The following CRPPA variants were observed in gnomAD, a reference collection of about 807,000 sequenced individuals.
CRPPA encodes the protein D-ribitol-5-phosphate cytidylyltransferase.
A neutral mutation model predicts 52.0 loss-of-function variants in CRPPA; 43 were observed. That is an observed-to-expected ratio of 0.83 (90% CI 0.65 to 1.07). The LOEUF (loss-of-function observed/expected upper bound fraction) is 1.07, where lower values mean the gene tolerates loss of function less well. Ranked by LOEUF, CRPPA falls within the 50% of genes least tolerant of loss-of-function variation. CRPPA has a pLI of 0.00. For synonymous variants in CRPPA, 250 were observed against 203.5 expected, an observed-to-expected ratio of 1.23 and a Z score of -1.94; for missense variants, 629 against 551.7, an observed-to-expected ratio of 1.14 and a Z score of -1.40.
intron 3 of CRPPA, among the ~76,000 whole-genome samples, chr7:16,331,426 C>A (rs1262412202): frequency 6.6e-6 from 1 of 152,082 alleles, no homozygotes; most frequent in Non-Finnish European, 1.5e-5. Flanking sequence ...TCCTTCTACC[C>A]AATACACTAT....
At chr7:16,205,277 CTT>C (rs1781949289) in intron 9 of CRPPA, among the ~76,000 whole-genome samples, 1 of 152,124 alleles carries the variant, frequency 6.6e-6, no homozygotes, top group African/African-American at 2.4e-5. Context: ...ATTTACATGA[CTT>C]GAGAAAGTTA....
intron 9 of CRPPA, among the ~76,000 whole-genome samples, chr7:16,178,134 C>T (rs886307235): frequency 5.3e-5 from 8 of 151,552 alleles, no homozygotes; most frequent in East Asian, 1.9e-4. Context: ...AAGGCAACTA[C>T]GTGGTCTTTT....
At chr7:16,248,555 A>G (rs1188303828) in intron 8 of CRPPA, among the ~76,000 whole-genome samples, 3 of 152,186 alleles carry the variant, frequency 2.0e-5, no homozygotes, top group Non-Finnish European at 4.4e-5. Context: ...GAGTACTCCA[A>G]TGGAAGTACC....
chr7:16,177,109 A>G (rs1174096847), intron 9 of CRPPA, among the ~76,000 whole-genome samples: 2 of 152,150 alleles, frequency 1.3e-5, no homozygotes, highest in African/African-American at 4.8e-5. Flanking sequence ...CCAAAACTAT[A>G]ATGACAGAAG....
At chr7:16,172,190 C>A (rs1310368612) in intron 9 of CRPPA, among the ~76,000 whole-genome samples, 1 of 152,126 alleles carries the variant, frequency 6.6e-6, no homozygotes, top group African/African-American at 2.4e-5. Context: ...AGAGACACTG[C>A]AGAGTTTCCC....
At chr7:16,399,357 G>A (rs1380404906) in intron 2 of CRPPA, among the ~76,000 whole-genome samples, 1 of 152,046 alleles carries the variant, frequency 6.6e-6, no homozygotes, top group Non-Finnish European at 1.5e-5. Flanking sequence ...TGACTGACAT[G>A]ATTGACGTGA....
chr7:16,120,303 C>T (rs1782456764), intron 9 of CRPPA, among the ~76,000 whole-genome samples: 1 of 152,272 alleles, frequency 6.6e-6, no homozygotes, highest in Admixed American at 6.5e-5. Flanking sequence ...ACCTCAATAT[C>T]TGATCAAATT....
chr7:16,403,192 T>C (rs1390605747), intron 2 of CRPPA, among the ~76,000 whole-genome samples: 1 of 152,158 alleles, frequency 6.6e-6, no homozygotes, highest in Non-Finnish European at 1.5e-5. Flanking sequence ...ACTATCATCA[T>C]TAAAGTAAGA....
chr7:16,153,446 A>G (rs1783116482), intron 9 of CRPPA, among the ~76,000 whole-genome samples: 1 of 152,112 alleles, frequency 6.6e-6, no homozygotes, highest in African/African-American at 2.4e-5. Flanking sequence ...ACTATTTACA[A>G]TATTACCTTT....
intron 9 of CRPPA, among the ~76,000 whole-genome samples, chr7:16,103,787 C>T (rs150864516): frequency 6.6e-6 from 1 of 152,044 alleles, no homozygotes; most frequent in Non-Finnish European, 1.5e-5. Context: ...CATATGATAA[C>T]TTATAGGAGG....
At chr7:16,134,165 T>A (rs1782724426) in intron 9 of CRPPA, among the ~76,000 whole-genome samples, 1 of 125,056 alleles carries the variant, frequency 8.0e-6, no homozygotes, top group South Asian at 3.8e-4. Context: ...TCCCCTGACC[T>A]CGTGATCCGC....
intron 4 of CRPPA, among the ~76,000 whole-genome samples, chr7:16,305,015 G>A (rs1019782515): frequency 1.3e-5 from 2 of 152,098 alleles, no homozygotes; most frequent in East Asian, 3.9e-4. Flanking sequence ...TTAAAAGGCA[G>A]CATCTTTGGA....
At chr7:16,209,586 T>C (rs1782076675) in intron 9 of CRPPA, among the ~76,000 whole-genome samples, 1 of 152,174 alleles carries the variant, frequency 6.6e-6, no homozygotes, top group Non-Finnish European at 1.5e-5. Flanking sequence ...GTGTCATCTT[T>C]TGTTTTATTA....
At chr7:16,340,856 CA>C (rs894045361) in intron 3 of CRPPA, among the ~76,000 whole-genome samples, 12 of 152,100 alleles carry the variant, frequency 7.9e-5, no homozygotes, top group Non-Finnish European at 5.9e-5. Flanking sequence ...AGCAACCAAA[CA>C]TTCTTCAGTA....
chr7:16,402,510 T>G (rs1367912764), intron 2 of CRPPA, among the ~76,000 whole-genome samples: 1 of 151,326 alleles, frequency 6.6e-6, no homozygotes, highest in East Asian at 1.9e-4. Flanking sequence ...AAATGAAGAG[T>G]TAGTGAATTA....
chr7:16,238,767 T>C (rs1042032051), intron 8 of CRPPA, among the ~76,000 whole-genome samples: 1 of 152,134 alleles, frequency 6.6e-6, no homozygotes, highest in Non-Finnish European at 1.5e-5. Flanking sequence ...ATCTACACAT[T>C]AAAATCATGC....
chr7:16,372,772 T>A (rs1013146362), intron 3 of CRPPA, among the ~76,000 whole-genome samples: 7 of 152,162 alleles, frequency 4.6e-5, no homozygotes, highest in African/African-American at 1.7e-4. Flanking sequence ...CAACCAAGTA[T>A]CTGCTGTCTT....
intron 1 of CRPPA, among the ~76,000 whole-genome samples, chr7:16,412,342 T>C (rs535740255): frequency 1.3e-5 from 2 of 152,290 alleles, no homozygotes; most frequent in South Asian, 4.1e-4. Flanking sequence ...CAGAGATAGG[T>C]TGTTTGCATG....
intron 3 of CRPPA, among the ~76,000 whole-genome samples, chr7:16,342,122 T>C (rs1785861481): frequency 6.6e-6 from 1 of 152,186 alleles, no homozygotes; most frequent in Non-Finnish European, 1.5e-5. Context: ...AACCATAACA[T>C]CTAGGTATTA....
Sources: gnomAD v4.1 joint callset for allele counts (sites outside exome capture counted in the v4.1 genomes callset) on GRCh38, gnomAD v4.1.1 for gene constraint, MANE v1.5 for transcripts, NCBI Gene and HGNC (gene_info 2026-07-23, HGNC 2026-07-21) for gene names.